Variants in ANKUB1 observed in about 807,000 individuals in gnomAD.
ANKUB1 encodes the protein protein ANKUB1.
A neutral mutation model predicts 49.3 loss-of-function variants in ANKUB1; 42 were observed. That is an observed-to-expected ratio of 0.85 (90% CI 0.67 to 1.10). ANKUB1 has a LOEUF of 1.10. Among genes scored for constraint, ANKUB1 ranks in the 50% least tolerant of loss-of-function variants. ANKUB1 has a pLI of 0.00. For missense variants in ANKUB1, 613 were observed against 642.0 expected (o/e 0.95, Z 0.49); for synonymous variants, 222 against 231.0 (o/e 0.96, Z 0.35).
chr3:149,780,430 A>T lies in ANKUB1; in HGVS notation c.260T>A (p.Val87Glu), dbSNP rs1475454836. The T allele has an allele frequency of 6.4e-7, 1 of 1,552,114 alleles. No individual in the cohort carries two copies. The change falls in exon 3 of 6, where the codon GTG (valine) becomes GAG (glutamate). Residue 87 changes from valine (V) to glutamate (E), a missense_variant. By Grantham distance (121) the Val-to-Glu change is moderately radical. Transcript: ENST00000446160. ...VKEEDKPTLY[V>E]FNAVTQDTMP... ...TGTGTCTTGAGTTACAGCATTGAAC[A>T]CGTATAGAGTAGGCTTGTCTTCTTC...
At chr3:149,785,090 G>A (rs1391448896) in intron 2 of ANKUB1, among the ~76,000 whole-genome samples, 18 of 152,094 alleles carry the variant, frequency 1.2e-4, no homozygotes, top group Admixed American at 1.2e-3. Context: ...AGTGCCTCAT[G>A]CTATGGTTTA....
At chr3:149,775,249 G>A (rs1717541474) in intron 3 of ANKUB1, among the ~76,000 whole-genome samples, 1 of 152,120 alleles carries the variant, frequency 6.6e-6, no homozygotes, top group African/African-American at 2.4e-5. Flanking sequence ...ATCTGATTTG[G>A]ACTTTTTCTT....
At chr3:149,763,131 C>T (rs1460688915) in intron 5 of ANKUB1, among the ~76,000 whole-genome samples, 10 of 152,234 alleles carry the variant, frequency 6.6e-5, no homozygotes, top group Admixed American at 6.5e-4. Flanking sequence ...TGCTTTACCT[C>T]AATGGCTGTG....
At chr3:149,784,426 A>G (rs1015024541) in intron 2 of ANKUB1, among the ~76,000 whole-genome samples, 1 of 152,198 alleles carries the variant, frequency 6.6e-6, no homozygotes, top group African/African-American at 2.4e-5. Context: ...AATAAGGCAG[A>G]GAAGCAACAG....
Position 149,767,844 on chromosome 3 carries a change from G to C in ANKUB1, c.818C>G (p.Ala273Gly), listed in dbSNP as rs1410595601. The stretch of plus-strand genomic sequence containing the variant: ...CACAATGGTCAGGGGAGTTTGTCCT[G>C]CTGCATTTTTGCATTCCAGGCACAG... ...SVLCLECKNA[A>G]GQTPLTIVFK... The change falls in exon 5 of 6, where the codon GCA becomes GGA. Residue 273 changes from alanine (A) to glycine (G), a missense_variant. Transcript: ENST00000446160. 6.4e-7 allele frequency: 1 copy of C among 1,551,680 alleles called. No homozygotes were observed. The highest frequency in any genetic ancestry group is 2.4e-5 in the East Asian group (1 of 40,924).
intron 2 of ANKUB1, among the ~76,000 whole-genome samples, chr3:149,784,935 A>G (rs149025067): frequency 1.3e-5 from 2 of 152,320 alleles, no homozygotes; most frequent in East Asian, 3.9e-4. Context: ...ACAGCCTACT[A>G]TATATCTTAT....
chr3:149,789,675 G>C (rs983220587), intron 2 of ANKUB1, among the ~76,000 whole-genome samples: 3 of 150,390 alleles, frequency 2.0e-5, no homozygotes, highest in Non-Finnish European at 4.4e-5. Context: ...TGTTGCCCAG[G>C]CTGGAGTGCA....
chr3:149,761,332 A>T lies in ANKUB1; in HGVS notation c.*152T>A. On this transcript the variant is annotated 3_prime_UTR_variant, in exon 6 of 6. Coordinates refer to ENST00000446160, the MANE Select transcript of ANKUB1 (RefSeq NM_001144960.3). ...TCACTTAGTGTGATGAAGTCTGAGA[A>T]AACATGGTGTTAAATATCCTATTAA... 1 of 881,110 alleles carries T rather than the reference A, an allele frequency of 1.1e-6. No homozygotes were observed. The highest frequency in any genetic ancestry group is 1.6e-6 in the Non-Finnish European group (1 of 610,422). 54.6% of individuals were successfully genotyped at this position (881,110 alleles called of 1,614,324 possible). A position where few individuals can be genotyped will look rare whatever the true frequency, so the allele number is the denominator to read the frequency against.
intron 3 of ANKUB1, 22 bp downstream of exon 3, chr3:149,780,217 T>C (rs769038319): frequency 1.9e-6 from 3 of 1,543,284 alleles, no homozygotes; most frequent in Non-Finnish European, 2.6e-6. Flanking sequence ...TGGTAGCTGA[T>C]ATCAAATATA....
chr3:149,790,720 TC>T, intron 2 of ANKUB1, 60 bp downstream of exon 2: 5 of 1,464,380 alleles, frequency 3.4e-6, no homozygotes, highest in Non-Finnish European at 4.6e-6. Context: ...GGTTGACTTA[TC>T]CCCAACTTTA....
chr3:149,776,253 C>T (rs1475168465), intron 3 of ANKUB1, among the ~76,000 whole-genome samples: 8 of 152,278 alleles, frequency 5.3e-5, no homozygotes, highest in East Asian at 3.9e-4. Context: ...TTCCAGTTCT[C>T]CTCCTGACTC....
At chr3:149,765,631 G>A (rs1471282561) in intron 5 of ANKUB1, among the ~76,000 whole-genome samples, 1 of 152,068 alleles carries the variant, frequency 6.6e-6, no homozygotes, top group Non-Finnish European at 1.5e-5. Context: ...CTGGGCTATA[G>A]TAAACACTTA....
chr3:149,765,182 T>C (rs1716959257), intron 5 of ANKUB1, among the ~76,000 whole-genome samples: 1 of 152,172 alleles, frequency 6.6e-6, no homozygotes, highest in African/African-American at 2.4e-5. Context: ...ATGAATCTTA[T>C]AGGCAATGTG....
Position 149,767,463 on chromosome 3 carries a change from G to A in ANKUB1, c.1199C>T (p.Thr400Ile). The A allele has an allele frequency of 1.9e-6, 3 of 1,551,686 alleles. No individual in the cohort carries two copies. Among genetic ancestry groups the A allele is most frequent in the South Asian group, 1.2e-5 (1 of 84,070 alleles). ...VNPLAISQPD[T>I]RKQALKFHPL... ...ATGAAATTTGAGGGCTTGTTTTCTT[G>A]TGTCCGGCTGTGAAATTGCCAAAGG... is the stretch of plus-strand genomic sequence containing the variant. Residue 400 changes from threonine to isoleucine, a missense_variant, in exon 5 of 6, where the codon ACA becomes ATA. Physicochemically the swap from Thr to Ile is moderately conservative, Grantham distance 89 (BLOSUM62 -1). Coordinates refer to ENST00000446160, the MANE Select transcript of ANKUB1 (RefSeq NM_001144960.3).
At chr3:149,782,383 C>T (rs1176844096) in intron 2 of ANKUB1, among the ~76,000 whole-genome samples, 2 of 151,972 alleles carry the variant, frequency 1.3e-5, no homozygotes, top group Admixed American at 1.3e-4. Context: ...CCATTCCCAG[C>T]TCTCAAGTCA....
chr3:149,766,271 A>G (rs1453988007), intron 5 of ANKUB1, among the ~76,000 whole-genome samples: 7 of 151,926 alleles, frequency 4.6e-5, no homozygotes, highest in Admixed American at 3.3e-4. Context: ...TACAGATCTC[A>G]CCCCATATGT....
chr3:149,784,213 T>C (rs1344167643), intron 2 of ANKUB1, among the ~76,000 whole-genome samples: 1 of 152,182 alleles, frequency 6.6e-6, no homozygotes, highest in Non-Finnish European at 1.5e-5. Context: ...TAACTATGTT[T>C]TGACCCCAGC....
intron 3 of ANKUB1, among the ~76,000 whole-genome samples, chr3:149,777,020 C>T (rs1717624900): frequency 6.6e-6 from 1 of 152,036 alleles, no homozygotes; most frequent in South Asian, 2.1e-4. Context: ...TCCTGTTCTG[C>T]CTTCTGTGTT....
chr3:149,774,226 C>T (rs114431844), intron 3 of ANKUB1, among the ~76,000 whole-genome samples: 4,958 of 152,276 alleles, frequency 0.033, 123 homozygotes, highest in African/African-American at 0.068. Context: ...ATTTCTGTCA[C>T]GTTGTCAGAG....
Sources: allele counts gnomAD v4.1 joint callset (sites outside exome capture counted in the v4.1 genomes callset), GRCh38; gene constraint gnomAD v4.1.1; transcripts MANE v1.5; gene names NCBI Gene and HGNC (gene_info 2026-07-23, HGNC 2026-07-21).